Variants in PKHD1L1 observed in about 807,000 individuals in gnomAD.
The protein encoded by PKHD1L1 is fibrocystin-L.
Under a neutral mutation model 462.9 loss-of-function variants are expected in PKHD1L1, and 434 were observed. That is an observed-to-expected ratio of 0.94 (90% confidence interval 0.87 to 1.02). PKHD1L1 has a LOEUF of 1.02. PKHD1L1 is among the 50% of genes least tolerant of loss of function. The pLI, the probability that PKHD1L1 is intolerant of heterozygous loss-of-function variation, is 0.00. For synonymous variants in PKHD1L1, 1,781 were observed against 1,750.0 expected (o/e 1.02, Z -0.44); for missense variants, 5,202 against 5,096.1 (o/e 1.02, Z -0.63).
At chr8:109,510,156 A>G (rs1055670502) in intron 70 of PKHD1L1, among the ~76,000 whole-genome samples, 1 of 152,132 alleles carries the variant, frequency 6.6e-6, no homozygotes, top group African/African-American at 2.4e-5. Context: ...ATTAAAATGG[A>G]GGAAGATTAA....
rs747676878 is a variant in PKHD1L1, at chr8:109,398,539, G to T, written c.1003G>T (p.Val335Leu). 8 of 1,541,686 alleles carry T rather than the reference G, an allele frequency of 5.2e-6. 1 individual carries two copies. The South Asian group carries it at 8.2e-5, about 16-fold the overall frequency. Residue 335 changes from valine (V) to leucine (L), a missense_variant, in exon 12 of 78, where the codon GTA (valine) becomes TTA (leucine). Coordinates refer to ENST00000378402, the MANE Select transcript of PKHD1L1 (RefSeq NM_177531.6). ...TPPKPHILKT[V>L]YPGGRGLKLE... Reference sequence around the variant, plus strand: ...CCCCAAACCTCATATTCTCAAAACTGTATATCCAGGTAAGTTACCATAAGG... The same window carrying T: ...CCCCAAACCTCATATTCTCAAAACTTTATATCCAGGTAAGTTACCATAAGG...
intron 77 of PKHD1L1, among the ~76,000 whole-genome samples, chr8:109,528,953 T>C (rs1178909854): frequency 1.3e-5 from 2 of 152,064 alleles, no homozygotes; most frequent in African/African-American, 4.8e-5. Context: ...ATTCATTTGA[T>C]GGGGGAGAGT....
At chr8:109,488,963 A>T (rs1818689885) in intron 59 of PKHD1L1, among the ~76,000 whole-genome samples, 1 of 152,016 alleles carries the variant, frequency 6.6e-6, no homozygotes, top group Non-Finnish European at 1.5e-5. Flanking sequence ...CTTCAAATTC[A>T]GCGATGAACC....
intron 23 of PKHD1L1, among the ~76,000 whole-genome samples, chr8:109,422,812 G>T (rs574418122): frequency 1.8e-4 from 28 of 152,148 alleles, no homozygotes; most frequent in African/African-American, 6.5e-4. Flanking sequence ...TTCTGAAGTG[G>T]TTGTACCATT....
At chr8:109,455,001 T>C (rs779597774) in intron 45 of PKHD1L1, 149 bp downstream of exon 45, 40 of 1,113,550 alleles carry the variant, frequency 3.6e-5, no homozygotes, top group South Asian at 1.3e-4. Context: ...TCTTTACCCC[T>C]TCCTTCTTTC....
Position 109,436,442 on chromosome 8 carries a change from A to G in PKHD1L1, c.3610A>G (p.Thr1204Ala). The G allele has an allele frequency of 6.2e-7, 1 of 1,612,580 alleles. No homozygotes were observed. The highest frequency in any genetic ancestry group is 8.5e-7 in the Non-Finnish European group (1 of 1,179,520). ...NVIEGDLNRI[T>A]CRTPKKTEGT... ...GATTGAAGGGGATTTGAATAGGATA[A>G]CCTGCAGGACACCAAAAGTAAGGCC... The change falls in exon 30 of 78, where the codon ACC (threonine) becomes GCC (alanine). Residue 1204 changes from threonine (T) to alanine (A), a missense_variant. Around this residue, in one of 3 missense-constraint regions of PKHD1L1, gnomAD observed 4,497 missense variants for 4,336.8 expected, o/e 1.04. Coordinates refer to ENST00000378402, the MANE Select transcript of PKHD1L1 (RefSeq NM_177531.6).
intron 73 of PKHD1L1, among the ~76,000 whole-genome samples, chr8:109,519,017 A>T (rs1265261202): frequency 6.6e-6 from 1 of 152,086 alleles, no homozygotes; most frequent in African/African-American, 2.4e-5. Flanking sequence ...AGTCAAAGGA[A>T]GGACTGTGGA....
intron 28 of PKHD1L1, among the ~76,000 whole-genome samples, chr8:109,434,461 T>C (rs1815285564): frequency 6.6e-6 from 1 of 152,006 alleles, no homozygotes; most frequent in Non-Finnish European, 1.5e-5. Flanking sequence ...TTTGTTTTGT[T>C]TTGGTTTCTG....
In PKHD1L1 at chr8:109,477,384, C is replaced by G; in HGVS notation, c.9077C>G (p.Pro3026Arg). ...PSRKPIPKKR[P>R]ATYNLWSNDS... The stretch of plus-strand genomic sequence containing the variant: ...AGAAAACCAATTCCCAAGAAGCGAC[C>G]AGCCACATATAAGTACATAGGCCTT... The change falls in exon 53 of 78, where the codon CCA becomes CGA. Residue 3026 changes from proline (P) to arginine (R), a missense_variant. By Grantham distance (103) the Pro-to-Arg change is moderately radical. This residue lies in a region of PKHD1L1 where 4,497 missense variants were observed against 4,336.8 expected (regional missense o/e 1.04). Transcript: ENST00000378402. 1 of 1,612,924 alleles carries G rather than the reference C, an allele frequency of 6.2e-7. No homozygotes were observed. Among genetic ancestry groups the G allele is most frequent in the South Asian group, 1.1e-5 (1 of 91,008 alleles).
At chr8:109,408,501 G>A (rs1174178837) in intron 18 of PKHD1L1, among the ~76,000 whole-genome samples, 1 of 152,104 alleles carries the variant, frequency 6.6e-6, no homozygotes, top group Admixed American at 6.6e-5. Flanking sequence ...CACTGGAGTT[G>A]TTCTTCACTC....
At chr8:109,432,447 T>C (rs993201106) in intron 27 of PKHD1L1, among the ~76,000 whole-genome samples, 1 of 152,196 alleles carries the variant, frequency 6.6e-6, no homozygotes, top group African/African-American at 2.4e-5. Flanking sequence ...AGAATCTATA[T>C]TGTGCATGGT....
chr8:109,507,219 T>C (rs1819735418), intron 68 of PKHD1L1, among the ~76,000 whole-genome samples: 1 of 152,110 alleles, frequency 6.6e-6, no homozygotes, highest in East Asian at 1.9e-4. Context: ...AGCAATAATT[T>C]CATAATTTTT....
At chr8:109,496,890 C>T in intron 63 of PKHD1L1, 29 bp from the exon 64 acceptor site, 1 of 1,585,908 alleles carries the variant, frequency 6.3e-7, no homozygotes. Context: ...ATGTAGTGTT[C>T]ATTCTCTGGT....
chr8:109,489,605 T>TCACC (rs1181311008), intron 59 of PKHD1L1, among the ~76,000 whole-genome samples: 1 of 151,922 alleles, frequency 6.6e-6, no homozygotes, highest in Non-Finnish European at 1.5e-5. Context: ...TTCGAAAATA[T>TCACC]CACCCCCCAG....
Position 109,388,417 on chromosome 8 carries a change from G to A in PKHD1L1, c.570-80G>A, listed in dbSNP as rs1241569596. The A allele has an allele frequency of 5.1e-6, 5 of 986,544 alleles. No individual in the cohort carries two copies. In the African/African-American group the frequency reaches 8.3e-5, roughly 16 times the overall value. 61.1% of individuals were successfully genotyped at this position (986,544 alleles called of 1,614,324 possible). A position where few individuals can be genotyped will look rare whatever the true frequency, so the allele number is the denominator to read the frequency against. On this transcript the variant is annotated intron_variant, in intron 6 of 77. Coordinates refer to ENST00000378402, the MANE Select transcript of PKHD1L1 (RefSeq NM_177531.6). Reference sequence around the variant, plus strand: ...TGAGAAAAAAAATTTAAGGGAACCAGTGAGTTGATGGGAGGAGTGCATTTT... The same window carrying A: ...TGAGAAAAAAAATTTAAGGGAACCAATGAGTTGATGGGAGGAGTGCATTTT...
chr8:109,409,784 AT>A (rs1813741010), intron 18 of PKHD1L1, 80 bp from the exon 19 acceptor site: 2 of 618,892 alleles, frequency 3.2e-6, no homozygotes, highest in East Asian at 6.7e-5. Flanking sequence ...ATTAAAACTA[AT>A]TAGTAGAATC....
intron 11 of PKHD1L1, 67 bp from the exon 12 acceptor site, chr8:109,398,392 G>T: frequency 9.9e-7 from 1 of 1,006,672 alleles, no homozygotes; most frequent in South Asian, 1.4e-5. Flanking sequence ...AGTGCTTAAA[G>T]ATACACTGAT....
intron 27 of PKHD1L1, among the ~76,000 whole-genome samples, chr8:109,431,815 G>A (rs112155295): frequency 1.8e-4 from 28 of 152,040 alleles, no homozygotes; most frequent in African/African-American, 6.5e-4. Context: ...ATACGTGTTA[G>A]AGCTTCTTTA....
intron 71 of PKHD1L1, among the ~76,000 whole-genome samples, chr8:109,512,992 CTGTT>C (rs1357954568): frequency 2.6e-4 from 39 of 152,026 alleles, no homozygotes; most frequent in Non-Finnish European, 4.7e-4. Flanking sequence ...ATTTGGCTCT[CTGTT>C]TGTCTGTTAT....
Sources: gnomAD v4.1 joint callset for allele counts (sites outside exome capture counted in the v4.1 genomes callset) on GRCh38, gnomAD v4.1.1 for gene constraint, gnomAD v4.1.1 regional missense constraint, MANE v1.5 for transcripts, NCBI Gene and HGNC (gene_info 2026-07-23, HGNC 2026-07-21) for gene names.